ATP11A: variants seen among roughly 807,000 people sequenced by gnomAD.
ATP11A encodes ATPase phospholipid transporting 11A.
Under a neutral mutation model 154.4 loss-of-function variants are expected in ATP11A, and 81 were observed. The ratio of observed to expected loss-of-function variants is 0.52; its 90% CI spans 0.44 to 0.63. The LOEUF (loss-of-function observed/expected upper bound fraction) is 0.63, where lower values mean the gene tolerates loss of function less well. Among genes scored for constraint, ATP11A ranks in the 30% least tolerant of loss-of-function variants. ATP11A has a pLI of 0.00. For missense variants in ATP11A, 1,316 were observed against 1,474.3 expected (o/e 0.89, Z 1.76); for synonymous variants, 623 against 585.9 (o/e 1.06, Z -0.91).
In ATP11A at chr13:112,718,373, G is replaced by A. The variant is rs191211787; in HGVS notation, c.39+27918G>A. On this transcript the variant is annotated intron_variant, in intron 1 of 29. Coordinates refer to ENST00000375645, the MANE Select transcript of ATP11A (RefSeq NM_015205.3). ...CTCATGAAATTTTATTTGTTAGCCA[G>A]CCAAAGCCAAGTGTTTCCAGTTAAA... Among the ~76,000 whole-genome samples the A allele has an allele frequency of 7.2e-5, 11 of 152,308 alleles. No individual in the cohort carries two copies. In the East Asian group the frequency reaches 2.1e-3, roughly 29 times the overall value.
At chr13:112,847,645 T>A (rs2079646873) in intron 17 of ATP11A, among the ~76,000 whole-genome samples, 1 of 152,244 alleles carries the variant, frequency 6.6e-6, no homozygotes. Flanking sequence ...TTCCCGCTGT[T>A]TTGATTACTG....
chr13:112,811,161 A>AACAC (rs10695491), intron 5 of ATP11A, among the ~76,000 whole-genome samples: 8,688 of 115,504 alleles, frequency 0.075, 588 homozygotes, highest in East Asian at 0.17. Flanking sequence ...TGCCCCTTCC[A>AACAC]ACACACACAC....
chr13:112,768,558 T>C (rs533989044), intron 1 of ATP11A, among the ~76,000 whole-genome samples: 21 of 152,360 alleles, frequency 1.4e-4, no homozygotes, highest in Admixed American at 5.2e-4. Context: ...TTTGGAAATA[T>C]GCCTACAATG....
chr13:112,861,078 T>C (rs897432679), intron 24 of ATP11A, among the ~76,000 whole-genome samples: 7 of 152,108 alleles, frequency 4.6e-5, no homozygotes, highest in East Asian at 3.9e-4. Context: ...CAAAGGCACG[T>C]CTTACATGGT....
rs922147957 is a variant in ATP11A, at chr13:112,882,009, G to A, written c.*143G>A. On this transcript the variant is annotated 3_prime_UTR_variant, in exon 30 of 30. Coordinates refer to ENST00000375645, the MANE Select transcript of ATP11A (RefSeq NM_015205.3). The surrounding 1 kb of genome is among the most constrained non-coding windows in gnomAD (Gnocchi z 5.1). The stretch of plus-strand genomic sequence containing the variant: ...ATCCTCGGCGGTTCCCATCACCACT[G>A]CAGTTCCATCCCAAGTCACAGCTGC... 7.3e-7 allele frequency: 1 copy of A among 1,367,818 alleles called. No homozygotes were observed. Among genetic ancestry groups the A allele is most frequent in the South Asian group, 1.1e-5 (1 of 88,046 alleles). The allele number at this position is 1,367,818 out of a possible 1,614,324, so 84.7% of individuals were successfully genotyped here. A position where few individuals can be genotyped will look rare whatever the true frequency, so the allele number is the denominator to read the frequency against.
At chr13:112,841,776 T>C (rs111564400) in intron 16 of ATP11A, among the ~76,000 whole-genome samples, 1,571 of 152,366 alleles carry the variant, frequency 0.01, 33 homozygotes, top group African/African-American at 0.035. Context: ...AGCACAAGTA[T>C]GTCCACAGCG....
chr13:112,757,245 G>A (rs1261691978), intron 1 of ATP11A, among the ~76,000 whole-genome samples: 1 of 152,230 alleles, frequency 6.6e-6, no homozygotes, highest in East Asian at 1.9e-4. Context: ...GCAGAACAAA[G>A]ACGTGCTGTG....
At chr13:112,763,796 C>G (rs1031765122) in intron 1 of ATP11A, among the ~76,000 whole-genome samples, 5 of 152,180 alleles carry the variant, frequency 3.3e-5, no homozygotes, top group African/African-American at 1.2e-4. Context: ...GAGGCTCCCC[C>G]ACCCCCTGCT....
chr13:112,793,659 C>G (rs1411234881), intron 2 of ATP11A, among the ~76,000 whole-genome samples: 10 of 152,240 alleles, frequency 6.6e-5, no homozygotes, highest in Non-Finnish European at 1.2e-4. Context: ...TTGTCCCAAG[C>G]AGATGGGTGT....
At chr13:112,732,796 C>T (rs1042922396) in intron 1 of ATP11A, among the ~76,000 whole-genome samples, 7 of 151,982 alleles carry the variant, frequency 4.6e-5, no homozygotes, top group Non-Finnish European at 8.8e-5. Context: ...ATTTTTTTGT[C>T]GAGATGGGGT....
chr13:112,721,235 G>A (rs536463277), intron 1 of ATP11A, among the ~76,000 whole-genome samples: 357 of 152,226 alleles, frequency 2.3e-3, no homozygotes, highest in Non-Finnish European at 3.4e-3. Flanking sequence ...GGAAGTTGCT[G>A]GAACCCTCTG....
chr13:112,833,663 G>A (rs1048455023), intron 14 of ATP11A, among the ~76,000 whole-genome samples: 1 of 152,108 alleles, frequency 6.6e-6, no homozygotes, highest in East Asian at 1.9e-4. Flanking sequence ...TGTTTTTGTC[G>A]CTGCTAAACT....
rs565836436 is a variant in ATP11A, at chr13:112,824,270, C to T, written c.791-74C>T. 2.8e-5 allele frequency: 32 copies of T among 1,151,082 alleles called. No homozygotes were observed. The East Asian group carries it at 6.1e-4, about 22-fold the overall frequency. 71.3% of individuals were successfully genotyped at this position (1,151,082 alleles called of 1,614,324 possible). On this transcript the variant is annotated intron_variant, in intron 9 of 29. Transcript: ENST00000375645. Reference sequence around the variant, plus strand: ...TTTACCCAAGAATTGATTTTCCCCGCAGCTGTGTGTAACTCACCATAAGGC... The same window carrying T: ...TTTACCCAAGAATTGATTTTCCCCGTAGCTGTGTGTAACTCACCATAAGGC...
At chr13:112,760,828 T>A (rs529326035) in intron 1 of ATP11A, among the ~76,000 whole-genome samples, 1 of 152,332 alleles carries the variant, frequency 6.6e-6, no homozygotes, top group East Asian at 1.9e-4. Flanking sequence ...CAAAGGAAAT[T>A]GTAACGACAC....
Position 112,723,476 on chromosome 13 carries a change from C to T in ATP11A, c.39+33021C>T, listed in dbSNP as rs929896162. On this transcript the variant is annotated intron_variant, in intron 1 of 29. Coordinates refer to ENST00000375645, the MANE Select transcript of ATP11A (RefSeq NM_015205.3). ...TAGTAGAGACGGGGTTTCACAATGT[C>T]GGCCAGGCTGGTCTCAAACTCCTAA... is the stretch of plus-strand genomic sequence containing the variant. 1.1e-4 allele frequency among the ~76,000 whole-genome samples: 17 copies of T among 149,426 alleles called. No homozygotes were observed. The South Asian group carries it at 1.3e-3, about 11-fold the overall frequency.
chr13:112,857,816 A>C lies in ATP11A; in HGVS notation c.2419-2A>C. On this transcript the variant is annotated splice_acceptor_variant, in intron 20 of 29. Transcript: ENST00000375645. LOFTEE classifies it high-confidence loss of function. ...TAAATTCCGCATTTCTTTCTTTTGC[A>C]GATTGTTAAATTAATCAAATTTTCA... 1 of 1,611,628 alleles carries C rather than the reference A, an allele frequency of 6.2e-7. No individual in the cohort carries two copies. Among genetic ancestry groups the C allele is most frequent in the Non-Finnish European group, 8.5e-7 (1 of 1,177,740 alleles).
At chr13:112,768,949 A>T (rs1003262268) in intron 1 of ATP11A, among the ~76,000 whole-genome samples, 2 of 152,092 alleles carry the variant, frequency 1.3e-5, no homozygotes, top group Non-Finnish European at 2.9e-5. Context: ...CCTGCAGTTC[A>T]CTTGCGGGCA....
At chr13:112,699,003 C>T (rs1460553671) in intron 1 of ATP11A, among the ~76,000 whole-genome samples, 2 of 152,226 alleles carry the variant, frequency 1.3e-5, no homozygotes, top group Admixed American at 6.5e-5. Flanking sequence ...ACTGGCATTA[C>T]AGGTGTCAGC....
At chr13:112,705,343 C>T (rs1279213491) in intron 1 of ATP11A, among the ~76,000 whole-genome samples, 3 of 152,178 alleles carry the variant, frequency 2.0e-5, no homozygotes, top group Non-Finnish European at 4.4e-5. Flanking sequence ...CTGGGATTCT[C>T]GTAGGGGAGG....
Sources: gnomAD v4.1 joint callset for allele counts (sites outside exome capture counted in the v4.1 genomes callset) on GRCh38, gnomAD v4.1.1 for gene constraint, Gnocchi (gnomAD v3.1) non-coding constraint, MANE v1.5 for transcripts, NCBI Gene and HGNC (gene_info 2026-07-23, HGNC 2026-07-21) for gene names.